Variants in ATP11A observed in about 807,000 individuals in gnomAD.
The protein encoded by ATP11A is ATPase phospholipid transporting 11A.
ATP11A carries 81 observed loss-of-function variants against 154.4 expected under a neutral mutation model. The observed-to-expected ratio is 0.52, with a 90% CI of 0.44 to 0.63. The LOEUF is 0.63. ATP11A is among the 30% of genes least tolerant of loss of function. The pLI is 0.00. For synonymous variants in ATP11A, 623 were observed against 585.9 expected (o/e 1.06, Z -0.91); for missense variants, 1,316 against 1,474.3 (o/e 0.89, Z 1.76).
intron 1 of ATP11A, among the ~76,000 whole-genome samples, chr13:112,734,181 G>A (rs755152321): frequency 2.0e-5 from 3 of 152,110 alleles, no homozygotes; most frequent in Non-Finnish European, 4.4e-5. Flanking sequence ...GAGAAACTAA[G>A]CCCTCTGGAC....
At chr13:112,863,984 C>T (rs1248669525) in intron 25 of ATP11A, among the ~76,000 whole-genome samples, 3 of 81,584 alleles carry the variant, frequency 3.7e-5, no homozygotes, top group African/African-American at 1.4e-4. Flanking sequence ...AGCTTCCCAG[C>T]GGGGTCCATC....
Position 112,859,455 on chromosome 13 carries a change from C to G in ATP11A, c.2727+3C>G. On this transcript the variant is annotated splice_donor_region_variant and intron_variant, in intron 23 of 29. Coordinates refer to ENST00000375645, the MANE Select transcript of ATP11A (RefSeq NM_015205.3). The surrounding 1 kb of genome is among the most constrained non-coding windows in gnomAD (Gnocchi z 4.3). ...TCTTCTGTGGGTTTTCACAACAGGTCAGTCCTAGGGTCTTCAGGGACAGGC... is the reference window on the plus strand; with the variant it reads ...TCTTCTGTGGGTTTTCACAACAGGTGAGTCCTAGGGTCTTCAGGGACAGGC... 7 of 1,612,334 alleles carry G rather than the reference C, an allele frequency of 4.3e-6. No homozygotes were observed. The highest frequency in any genetic ancestry group is 5.9e-6 in the Non-Finnish European group (7 of 1,178,412).
intron 28 of ATP11A, among the ~76,000 whole-genome samples, chr13:112,876,893 G>T (rs774450240): frequency 1.6e-4 from 24 of 152,142 alleles, no homozygotes; most frequent in Non-Finnish European, 3.2e-4. Context: ...TCCCTTGGGG[G>T]GCACAGCCTC....
In ATP11A at chr13:112,820,171, C is replaced by T. The variant is rs560966660; in HGVS notation, c.725+221C>T. Among the ~76,000 whole-genome samples, 6 of 152,282 alleles carry T rather than the reference C, an allele frequency of 3.9e-5. No homozygotes were observed. The South Asian group carries it at 1.2e-3, about 32-fold the overall frequency. On this transcript the variant is annotated intron_variant, in intron 8 of 29. Coordinates refer to ENST00000375645, the MANE Select transcript of ATP11A (RefSeq NM_015205.3). ...GTGATGCTCGTGAAACAAGTTTTCG[C>T]GCAAGACTCTGCCGAGAGGGTCGTC...
Position 112,721,103 on chromosome 13 carries a change from A to C in ATP11A, c.39+30648A>C, listed in dbSNP as rs755322863. Among the ~76,000 whole-genome samples the C allele has an allele frequency of 2.9e-4, 44 of 152,162 alleles. 1 individual carries two copies. Among genetic ancestry groups the C allele is most frequent in the Non-Finnish European group, 7.3e-5 (5 of 68,028 alleles). ...TTGCTGATCGGGAAAGGGTGTATGT[A>C]AGGCCAGTCCTCTGTCCGGTCAGAA... On this transcript the variant is annotated intron_variant, in intron 1 of 29. Coordinates refer to ENST00000375645, the MANE Select transcript of ATP11A (RefSeq NM_015205.3).
At chr13:112,744,646 T>G (rs1891922838) in intron 1 of ATP11A, among the ~76,000 whole-genome samples, 1 of 152,216 alleles carries the variant, frequency 6.6e-6, no homozygotes, top group East Asian at 1.9e-4. Context: ...AGCTCTCGGC[T>G]CGGTGCTGTG....
At chr13:112,699,169 AC>A (rs746434238) in intron 1 of ATP11A, among the ~76,000 whole-genome samples, 2 of 152,188 alleles carry the variant, frequency 1.3e-5, no homozygotes, top group Non-Finnish European at 2.9e-5. Flanking sequence ...ACATATTTTC[AC>A]TTATTTGCAA....
intron 25 of ATP11A, among the ~76,000 whole-genome samples, chr13:112,864,184 A>G (rs61961583): frequency 1.8e-5 from 1 of 55,232 alleles, no homozygotes; most frequent in Non-Finnish European, 3.7e-5. Flanking sequence ...TCAGTGCAGC[A>G]CGTGCAGCTT....
chr13:112,741,130 T>C (rs1891501762), intron 1 of ATP11A, among the ~76,000 whole-genome samples: 1 of 152,178 alleles, frequency 6.6e-6, no homozygotes, highest in Non-Finnish European at 1.5e-5. Context: ...AAGATGTGGG[T>C]GGAAGTGCTC....
chr13:112,848,709 C>A (rs1396924668), intron 17 of ATP11A, among the ~76,000 whole-genome samples: 1 of 152,182 alleles, frequency 6.6e-6, no homozygotes, highest in African/African-American at 2.4e-5. Context: ...TTTTTTGAGA[C>A]AGAGTTTTGC....
chr13:112,862,784 C>A lies in ATP11A; in HGVS notation c.2991+209C>A, dbSNP rs542616949. Among the ~76,000 whole-genome samples, 11 of 149,128 alleles carry A rather than the reference C, an allele frequency of 7.4e-5. No individual in the cohort carries two copies. The East Asian group carries it at 2.2e-3, about 29-fold the overall frequency. ...GTGCCGTAATTCAGTGCAGCCCGTGCAGCTTCCCAGCAGGGTCCATCACCA... is the reference window on the plus strand; with the variant it reads ...GTGCCGTAATTCAGTGCAGCCCGTGAAGCTTCCCAGCAGGGTCCATCACCA... On this transcript the variant is annotated intron_variant, in intron 25 of 29. Transcript: ENST00000375645.
chr13:112,860,231 C>T, intron 23 of ATP11A, 56 bp from the exon 24 acceptor site: 5 of 1,564,258 alleles, frequency 3.2e-6, no homozygotes, highest in East Asian at 2.3e-5. Flanking sequence ...TCAAAAGATC[C>T]AAAAAGTTTG....
At chr13:112,830,697 A>G (rs886839190) in intron 12 of ATP11A, among the ~76,000 whole-genome samples, 3 of 152,230 alleles carry the variant, frequency 2.0e-5, no homozygotes, top group African/African-American at 7.2e-5. Flanking sequence ...ATGCTTGGGA[A>G]GAAGTGTCCC....
chr13:112,702,780 CG>C (rs1477245312), intron 1 of ATP11A, among the ~76,000 whole-genome samples: 2 of 152,236 alleles, frequency 1.3e-5, no homozygotes, highest in African/African-American at 4.8e-5. Context: ...GCTTGAAGAG[CG>C]GGCGGTGTGC....
chr13:112,872,258 T>C (rs2080546923), intron 26 of ATP11A, among the ~76,000 whole-genome samples: 2 of 152,250 alleles, frequency 1.3e-5, no homozygotes, highest in South Asian at 2.1e-4. Context: ...TAAAAAGTGA[T>C]ACCAAAACAT....
intron 14 of ATP11A, among the ~76,000 whole-genome samples, 179 bp downstream of exon 14, chr13:112,833,202 C>T (rs773359263): frequency 4.6e-5 from 7 of 152,202 alleles, no homozygotes; most frequent in Non-Finnish European, 1.0e-4. Flanking sequence ...GCCCCTCCCA[C>T]CGTGATAAGC....
chr13:112,707,066 T>C (rs1044832887), intron 1 of ATP11A, among the ~76,000 whole-genome samples: 1 of 152,158 alleles, frequency 6.6e-6, no homozygotes, highest in Non-Finnish European at 1.5e-5. Flanking sequence ...AGCACCACAT[T>C]GGGCCCAGGA....
intron 1 of ATP11A, among the ~76,000 whole-genome samples, chr13:112,735,502 T>C (rs545045153): frequency 5.9e-5 from 9 of 152,310 alleles, no homozygotes; most frequent in African/African-American, 1.9e-4. Flanking sequence ...AAATTCCAAG[T>C]CTTAACATTA....
chr13:112,707,005 T>A (rs1329694828), intron 1 of ATP11A, among the ~76,000 whole-genome samples: 1 of 152,246 alleles, frequency 6.6e-6, no homozygotes, highest in Non-Finnish European at 1.5e-5. Context: ...GCGATTTTCT[T>A]ATTCGAGTTA....
Sources: allele counts gnomAD v4.1 joint callset (sites outside exome capture counted in the v4.1 genomes callset), GRCh38; gene constraint gnomAD v4.1.1; non-coding constraint Gnocchi (gnomAD v3.1); transcripts MANE v1.5; gene names NCBI Gene and HGNC (gene_info 2026-07-23, HGNC 2026-07-21).